PCDHGA5: variants seen among roughly 807,000 people sequenced by gnomAD.
PCDHGA5 encodes the protein protocadherin gamma-A5.
In PCDHGA5, 36 loss-of-function variants were observed where a neutral mutation model predicts 56.7. The observed-to-expected ratio is 0.64, with a 90% CI of 0.49 to 0.84. The LOEUF (loss-of-function observed/expected upper bound fraction) is 0.84, where lower values mean the gene tolerates loss of function less well. Ranked by LOEUF, PCDHGA5 falls within the 40% of genes least tolerant of loss-of-function variation. The pLI is 0.00. For synonymous variants in PCDHGA5, 563 were observed against 520.2 expected (o/e 1.08, Z -1.12); for missense variants, 1,305 against 1,201.5 (o/e 1.09, Z -1.27).
chr5:141,374,117 G>A (rs750762308), intron 1 of PCDHGA5: 9 of 1,587,566 alleles, frequency 5.7e-6, no homozygotes, highest in Non-Finnish European at 7.7e-6. Context: ...GCAGCGCAGC[G>A]AGCAGGTCCT....
chr5:141,408,801 T>C, intron 1 of PCDHGA5: 1 of 1,613,142 alleles, frequency 6.2e-7, no homozygotes, highest in Admixed American at 1.7e-5. Context: ...GAGAAACTCC[T>C]AGACCGGGAA....
Position 141,490,491 on chromosome 5 carries a change from A to T in PCDHGA5, c.2422-4316A>T. 1 of 1,614,098 alleles carries T rather than the reference A, an allele frequency of 6.2e-7. No individual in the cohort carries two copies. Among genetic ancestry groups the T allele is most frequent in the Non-Finnish European group, 8.5e-7 (1 of 1,180,022 alleles). ...GCCAGCCTTTGGACCGGGAGGCCAC[A>T]TCCCACTATATCATCGAGCTGCTGG... On this transcript the variant is annotated intron_variant, in intron 1 of 3. Coordinates refer to ENST00000518069, the MANE Select transcript of PCDHGA5 (RefSeq NM_018918.3). This position sits in a 1 kb window ranked among gnomAD's most constrained non-coding sequence, Gnocchi z 5.4.
In PCDHGA5 at chr5:141,489,353, A is replaced by G. The variant is rs1423278514; in HGVS notation, c.2422-5454A>G. 3.7e-6 allele frequency: 6 copies of G among 1,612,316 alleles called. No homozygotes were observed. In the African/African-American group the frequency reaches 6.7e-5, roughly 18 times the overall value. ...CAGCTTCGTTACTCAGTGGTGGAGG[A>G]GTCTGAGCCGGGGACGCTGGTGGGG... On this transcript the variant is annotated intron_variant, in intron 1 of 3. Transcript: ENST00000518069. This position sits in a 1 kb window ranked among gnomAD's most constrained non-coding sequence, Gnocchi z 4.5.
chr5:141,475,080 C>T (rs963278755), intron 1 of PCDHGA5, among the ~76,000 whole-genome samples: 3 of 152,128 alleles, frequency 2.0e-5, no homozygotes, highest in South Asian at 4.1e-4. Flanking sequence ...GCCATTATTT[C>T]AATAATTTTA....
At chr5:141,407,453 C>G (rs914537742) in intron 1 of PCDHGA5, among the ~76,000 whole-genome samples, 18 of 148,834 alleles carry the variant, frequency 1.2e-4, no homozygotes, top group African/African-American at 4.4e-4. Flanking sequence ...ACACGAGGCT[C>G]ACCAGACAGA....
rs754953894 is a variant in PCDHGA5 at position 141,409,856 on chromosome 5, G to T, written c.2421+43105G>T. 4.0e-5 allele frequency: 64 copies of T among 1,612,232 alleles called. No individual in the cohort carries two copies. Among genetic ancestry groups the T allele is most frequent in the Non-Finnish European group, 5.3e-5 (62 of 1,179,390 alleles). On this transcript the variant is annotated intron_variant, in intron 1 of 3. Coordinates refer to ENST00000518069, the MANE Select transcript of PCDHGA5 (RefSeq NM_018918.3). ...CGCCAACGTGAGCCTGCGCGTGTTG[G>T]TGGGAGACCGCAATGACAACGCACC... is the stretch of plus-strand genomic sequence containing the variant.
At chr5:141,439,496 G>A (rs1166315364) in intron 1 of PCDHGA5, among the ~76,000 whole-genome samples, 2 of 152,152 alleles carry the variant, frequency 1.3e-5, no homozygotes, top group Non-Finnish European at 2.9e-5. Context: ...AGTGAGAAAC[G>A]TCTTTCTCTC....
At chr5:141,383,927 A>C in intron 1 of PCDHGA5, 1 of 1,613,800 alleles carries the variant, frequency 6.2e-7, no homozygotes, top group Non-Finnish European at 8.5e-7. Context: ...GTAAATGATA[A>C]TGCTCCAGAA....
intron 1 of PCDHGA5, chr5:141,409,322 C>A (rs1161029892): frequency 6.2e-7 from 1 of 1,613,988 alleles, no homozygotes; most frequent in Non-Finnish European, 8.5e-7. Flanking sequence ...AACACGGGAT[C>A]TGGATTTCGG....
intron 1 of PCDHGA5, chr5:141,409,728 C>T: frequency 6.2e-7 from 1 of 1,613,134 alleles, no homozygotes; most frequent in Non-Finnish European, 8.5e-7. Flanking sequence ...TCAGTGAGCG[C>T]GCAGAGCGGG....
intron 1 of PCDHGA5, among the ~76,000 whole-genome samples, chr5:141,445,733 T>C (rs1031885468): frequency 6.6e-6 from 1 of 152,186 alleles, no homozygotes; most frequent in Non-Finnish European, 1.5e-5. Context: ...TGTGTAAAGA[T>C]CTTTTTAAAA....
At chr5:141,448,542 T>G (rs2098594694) in intron 1 of PCDHGA5, among the ~76,000 whole-genome samples, 1 of 152,210 alleles carries the variant, frequency 6.6e-6, no homozygotes, top group Non-Finnish European at 1.5e-5. Flanking sequence ...GCATTTCTTA[T>G]GCAAATATGT....
At chr5:141,440,501 A>G (rs2098183001) in intron 1 of PCDHGA5, 1 of 152,174 alleles carries the variant, frequency 6.6e-6, no homozygotes, top group African/African-American at 2.4e-5. Context: ...TCACATTAAT[A>G]TGGAGATTCA....
At chr5:141,505,583 T>C (rs2099846941) in intron 3 of PCDHGA5, 102 bp downstream of exon 3, 3 of 1,583,532 alleles carry the variant, frequency 1.9e-6, no homozygotes, top group Non-Finnish European at 2.6e-6. Flanking sequence ...ACCTGTGTAG[T>C]TTCTCCAGAT....
In PCDHGA5 at chr5:141,491,797, G is replaced by T. The variant is rs537755017; in HGVS notation, c.2422-3010G>T. The stretch of plus-strand genomic sequence containing the variant: ...ATTGAACTTGCATCCACTCCTCTCC[G>T]GCCGGCTTGGTCGCTGGCTGCGCTC... On this transcript the variant is annotated intron_variant, in intron 1 of 3. Coordinates refer to ENST00000518069, the MANE Select transcript of PCDHGA5 (RefSeq NM_018918.3). The surrounding 1 kb of genome is among the most constrained non-coding windows in gnomAD (Gnocchi z 6.9). 2.0e-6 allele frequency: 3 copies of T among 1,506,818 alleles called. No homozygotes were observed. The highest frequency in any genetic ancestry group is 2.4e-5 in the Admixed American group (1 of 41,734). 93.3% of individuals were successfully genotyped at this position (1,506,818 alleles called of 1,614,324 possible). A position where few individuals can be genotyped will look rare whatever the true frequency, so the allele number is the denominator to read the frequency against.
chr5:141,371,207 G>A, intron 1 of PCDHGA5: 1 of 1,613,764 alleles, frequency 6.2e-7, no homozygotes, highest in African/African-American at 1.3e-5. Context: ...ACATGGATGA[G>A]GGCATCAATG....
At chr5:141,398,575 A>G in intron 1 of PCDHGA5, 1 of 1,614,046 alleles carries the variant, frequency 6.2e-7, no homozygotes, top group South Asian at 1.1e-5. Flanking sequence ...ACAGCCTGGC[A>G]CAAGATTTAT....
chr5:141,421,383 C>A lies in PCDHGA5; in HGVS notation c.2421+54632C>A, dbSNP rs754951142. The A allele has an allele frequency of 2.5e-6, 4 of 1,614,034 alleles. 1 individual carries two copies. The highest frequency in any genetic ancestry group is 8.5e-7 in the Non-Finnish European group (1 of 1,179,910). On this transcript the variant is annotated intron_variant, in intron 1 of 3. Transcript: ENST00000518069. ...CCTTCGTGGGCAATATCTCCAAGGA[C>A]CTGGGGCTGGAGCCCCGGGAGCTGG...
Position 141,494,842 on chromosome 5 carries a change from G to A in PCDHGA5, c.2457G>A (p.Gln819=). 1 of 1,614,116 alleles carries A rather than the reference G, an allele frequency of 6.2e-7. No homozygotes were observed. Among genetic ancestry groups the A allele is most frequent in the Non-Finnish European group, 8.5e-7 (1 of 1,180,018 alleles). The change falls in exon 2 of 4, where the codon CAG becomes CAA. Residue 819 remains glutamine, a synonymous_variant. Coordinates refer to ENST00000518069, the MANE Select transcript of PCDHGA5 (RefSeq NM_018918.3). ...APPNTDWRFS[Q]AQRPGTSGSQ... is the part of the protein sequence containing the mutation. ...CCAACACGGACTGGCGTTTCTCTCA[G>A]GCCCAGAGACCCGGCACCAGCGGGT... is the stretch of plus-strand genomic sequence containing the variant.
Sources: gnomAD v4.1 joint callset for allele counts (sites outside exome capture counted in the v4.1 genomes callset) on GRCh38, gnomAD v4.1.1 for gene constraint, Gnocchi (gnomAD v3.1) non-coding constraint, MANE v1.5 for transcripts, NCBI Gene and HGNC (gene_info 2026-07-23, HGNC 2026-07-21) for gene names.